Variants in MCC observed in about 807,000 individuals in gnomAD.
The protein encoded by MCC is colorectal mutant cancer protein.
Under a neutral mutation model 116.2 loss-of-function variants are expected in MCC, and 90 were observed. The observed-to-expected ratio is 0.77, with a 90% CI of 0.65 to 0.92. The LOEUF is 0.92. MCC is among the 40% of genes least tolerant of loss of function. The pLI is 0.00. For missense variants in MCC, 1,516 were observed against 1,312.2 expected, an observed-to-expected ratio of 1.16 and a Z score of -2.40; for synonymous variants, 578 against 510.5, an observed-to-expected ratio of 1.13 and a Z score of -1.78.
At chr5:113,087,688 C>T (rs891872812) in intron 8 of MCC, among the ~76,000 whole-genome samples, 2 of 152,024 alleles carry the variant, frequency 1.3e-5, no homozygotes, top group African/African-American at 4.8e-5. Flanking sequence ...AATGTTAACA[C>T]CACTCCAAAA....
At chr5:113,402,693 T>C (rs1313760756) in intron 1 of MCC, among the ~76,000 whole-genome samples, 2 of 152,148 alleles carry the variant, frequency 1.3e-5, no homozygotes, top group African/African-American at 4.8e-5. Context: ...AATCAAAATA[T>C]TATAGCACAA....
At chr5:113,125,792 G>T (rs1055676428) in intron 5 of MCC, among the ~76,000 whole-genome samples, 5 of 152,156 alleles carry the variant, frequency 3.3e-5, no homozygotes, top group Non-Finnish European at 7.4e-5. Flanking sequence ...TGAGGCTAAT[G>T]ACACAGCACA....
intron 3 of MCC, among the ~76,000 whole-genome samples, chr5:113,155,171 T>A (rs748174610): frequency 6.6e-6 from 1 of 152,206 alleles, no homozygotes; most frequent in Non-Finnish European, 1.5e-5. Flanking sequence ...TCACTTAACA[T>A]AATGACCTCC....
At chr5:113,089,553 C>G (rs1755449776) in intron 8 of MCC, among the ~76,000 whole-genome samples, 1 of 152,208 alleles carries the variant, frequency 6.6e-6, no homozygotes, top group African/African-American at 2.4e-5. Context: ...TGGCAAAATA[C>G]ACTCTAGACC....
At chr5:113,169,455 C>A (rs941808439) in intron 3 of MCC, among the ~76,000 whole-genome samples, 62 of 152,176 alleles carry the variant, frequency 4.1e-4, no homozygotes, top group African/African-American at 1.3e-3. Context: ...CAGCATGGAC[C>A]AGCAAGGCCA....
chr5:113,168,187 A>T (rs1178982946), intron 3 of MCC, among the ~76,000 whole-genome samples: 2 of 152,196 alleles, frequency 1.3e-5, no homozygotes, highest in African/African-American at 4.8e-5. Context: ...AGGGCATGCC[A>T]CAACAAGCCT....
chr5:113,024,645 A>ATTGT lies in MCC; in HGVS notation c.*2653_*2656dup, dbSNP rs1418823603. On this transcript the variant is annotated 3_prime_UTR_variant, in exon 19 of 19. Coordinates refer to ENST00000408903, the MANE Select transcript of MCC (RefSeq NM_001085377.2). ...CCTCATATAAATTAGAATCAAGATC[A>ATTGT]TTGTTTACCCTCATTGGAGATGTTT... 1.3e-5 allele frequency: 2 copies of ATTGT among 152,224 alleles called. No individual in the cohort carries two copies. The highest frequency in any genetic ancestry group is 1.9e-4 in the East Asian group (1 of 5,192). The allele number at this position is 152,224 out of a possible 1,614,324, so 9.4% of individuals were successfully genotyped here. A position where few individuals can be genotyped will look rare whatever the true frequency, so the allele number is the denominator to read the frequency against.
intron 17 of MCC, among the ~76,000 whole-genome samples, chr5:113,039,413 T>C (rs1400142970): frequency 6.6e-6 from 1 of 152,170 alleles, no homozygotes; most frequent in East Asian, 1.9e-4. Context: ...TTCACAGCTC[T>C]GTGTGTTTAA....
intron 3 of MCC, among the ~76,000 whole-genome samples, chr5:113,163,215 T>C (rs1199317337): frequency 6.6e-6 from 1 of 152,006 alleles, no homozygotes; most frequent in South Asian, 2.1e-4. Flanking sequence ...TAAAAACGCA[T>C]CTCAATAGTA....
At chr5:113,466,246 ATATG>A (rs754706455) in intron 1 of MCC, among the ~76,000 whole-genome samples, 1 of 151,730 alleles carries the variant, frequency 6.6e-6, no homozygotes, top group Non-Finnish European at 1.5e-5. Flanking sequence ...GGTTTGTTAC[ATATG>A]TATACATGTG....
chr5:113,198,622 T>G (rs1762538927), intron 3 of MCC, among the ~76,000 whole-genome samples: 1 of 149,928 alleles, frequency 6.7e-6, no homozygotes, highest in Non-Finnish European at 1.5e-5. Context: ...GAGGATCTCT[T>G]GAGCCTGGGA....
intron 11 of MCC, among the ~76,000 whole-genome samples, chr5:113,073,393 C>T (rs1754182037): frequency 6.6e-6 from 1 of 152,238 alleles, no homozygotes. Flanking sequence ...TCTCCACACC[C>T]AGGTAAGCTT....
At chr5:113,087,769 T>C (rs1310240650) in intron 8 of MCC, among the ~76,000 whole-genome samples, 1 of 112,004 alleles carries the variant, frequency 8.9e-6, no homozygotes, top group African/African-American at 4.8e-5. Context: ...GGCCTACTCA[T>C]CTTTTTTTTT....
chr5:113,131,825 C>T (rs1040111978), intron 5 of MCC, among the ~76,000 whole-genome samples: 3 of 152,152 alleles, frequency 2.0e-5, no homozygotes, highest in African/African-American at 2.4e-5. Flanking sequence ...AGAGGTAGTT[C>T]CCAGGCCCTC....
At chr5:113,196,888 C>T (rs1239942368) in intron 3 of MCC, among the ~76,000 whole-genome samples, 2 of 152,160 alleles carry the variant, frequency 1.3e-5, no homozygotes, top group African/African-American at 4.8e-5. Context: ...TCTGCAGGTT[C>T]TGGCTGAGTT....
At chr5:113,059,576 G>C (rs1753072766) in intron 14 of MCC, among the ~76,000 whole-genome samples, 1 of 152,230 alleles carries the variant, frequency 6.6e-6, no homozygotes, top group African/African-American at 2.4e-5. Flanking sequence ...TCCAGAACAG[G>C]AGCCTGTCTG....
intron 6 of MCC, among the ~76,000 whole-genome samples, chr5:113,107,732 T>C (rs576786151): frequency 1.6e-3 from 239 of 152,168 alleles, no homozygotes; most frequent in Non-Finnish European, 3.0e-3. Flanking sequence ...TATTCAGACA[T>C]TCTGTGCTGA....
chr5:113,205,587 G>A (rs749249451), intron 3 of MCC, among the ~76,000 whole-genome samples: 2 of 152,208 alleles, frequency 1.3e-5, no homozygotes, highest in African/African-American at 4.8e-5. Context: ...CAAAACTGAC[G>A]ATGCTATCAG....
intron 6 of MCC, among the ~76,000 whole-genome samples, chr5:113,113,327 C>T (rs182915362): frequency 1.6e-3 from 239 of 152,320 alleles, no homozygotes; most frequent in African/African-American, 5.6e-3. Flanking sequence ...CTGCATACAG[C>T]AAGGCCCTCT....
Sources: gnomAD v4.1 joint callset for allele counts (sites outside exome capture counted in the v4.1 genomes callset) on GRCh38, gnomAD v4.1.1 for gene constraint, MANE v1.5 for transcripts, NCBI Gene and HGNC (gene_info 2026-07-23, HGNC 2026-07-21) for gene names.